DNM3: variants seen among roughly 807,000 people sequenced by gnomAD.
DNM3 encodes the protein dynamin 3.
A neutral mutation model predicts 101.6 loss-of-function variants in DNM3; 47 were observed. The observed-to-expected ratio is 0.46, with a 90% CI of 0.37 to 0.59. The LOEUF is 0.59. Ranked by LOEUF, DNM3 falls within the 20% of genes least tolerant of loss-of-function variation. DNM3 has a pLI of 0.00. For synonymous variants in DNM3, 385 were observed against 387.9 expected (o/e 0.99, Z 0.09); for missense variants, 849 against 1,085.7 (o/e 0.78, Z 3.06).
chr1:172,202,045 T>C (rs2148488644), intron 14 of DNM3, among the ~76,000 whole-genome samples: 1 of 152,278 alleles, frequency 6.6e-6, no homozygotes, highest in Non-Finnish European at 1.5e-5. Flanking sequence ...TTTTCTTTAT[T>C]CTCTGTGGAT....
At chr1:172,246,068 A>G (rs1341828230) in intron 14 of DNM3, among the ~76,000 whole-genome samples, 1 of 152,152 alleles carries the variant, frequency 6.6e-6, no homozygotes, top group East Asian at 1.9e-4. Context: ...AAAGTGCCAC[A>G]TATACTTTTA....
chr1:172,226,559 A>T (rs1347097917), intron 14 of DNM3, among the ~76,000 whole-genome samples: 2 of 152,214 alleles, frequency 1.3e-5, no homozygotes, highest in African/African-American at 2.4e-5. Context: ...GCCACCAGGC[A>T]TATGACCTTA....
chr1:172,094,100 C>T (rs2054093143), intron 13 of DNM3, among the ~76,000 whole-genome samples: 1 of 151,896 alleles, frequency 6.6e-6, no homozygotes, highest in African/African-American at 2.4e-5. Flanking sequence ...CTTTCTCTTC[C>T]CCTTGTATGG....
intron 14 of DNM3, among the ~76,000 whole-genome samples, chr1:172,240,438 G>C (rs1210519176): frequency 5.3e-5 from 8 of 152,176 alleles, no homozygotes. Flanking sequence ...GGAATTGTCA[G>C]AGGATTTTAT....
intron 4 of DNM3, among the ~76,000 whole-genome samples, chr1:172,030,946 T>A (rs1265949016): frequency 6.6e-6 from 1 of 152,202 alleles, no homozygotes; most frequent in Non-Finnish European, 1.5e-5. Context: ...GCTTTGACAC[T>A]GTTGGTGGGA....
chr1:172,123,253 T>C (rs1343994086), intron 13 of DNM3, among the ~76,000 whole-genome samples: 1 of 152,210 alleles, frequency 6.6e-6, no homozygotes, highest in Non-Finnish European at 1.5e-5. Context: ...TGTCTCAATT[T>C]CACTATTCTT....
intron 14 of DNM3, among the ~76,000 whole-genome samples, chr1:172,146,839 A>G (rs2057925565): frequency 6.6e-6 from 1 of 152,118 alleles, no homozygotes; most frequent in South Asian, 2.1e-4. Flanking sequence ...CAAGGCAAAC[A>G]AAAGGTGGTT....
At chr1:172,058,878 A>T (rs1203939238) in intron 10 of DNM3, among the ~76,000 whole-genome samples, 3 of 152,202 alleles carry the variant, frequency 2.0e-5, no homozygotes, top group Admixed American at 6.5e-5. Flanking sequence ...AGACAAAAAA[A>T]ACCCTTAAAA....
intron 9 of DNM3, 111 bp from the exon 10 acceptor site, chr1:172,048,477 GCACTATGTAACTTTTAAACTTGGT>G: frequency 1.1e-6 from 1 of 937,674 alleles, no homozygotes; most frequent in East Asian, 2.9e-5. Flanking sequence ...AACATTTTGG[GCACTATGTAACTTTTAAACTTGGT>G]CTATTACATG....
At chr1:172,354,112 T>TGGTGTGAGAGAGAGAGA (rs138540712) in intron 17 of DNM3, among the ~76,000 whole-genome samples, 1 of 94,940 alleles carries the variant, frequency 1.1e-5, no homozygotes, top group Non-Finnish European at 1.9e-5. Flanking sequence ...TGTGTGTGTG[T>TGGTGTGAGAGAGAGAGA]GAGAGAGAGA....
At chr1:172,264,083 T>C (rs1002061342) in intron 15 of DNM3, among the ~76,000 whole-genome samples, 6 of 152,210 alleles carry the variant, frequency 3.9e-5, no homozygotes, top group African/African-American at 1.4e-4. Flanking sequence ...AGAGTTAGCA[T>C]CATAGAAGGT....
intron 14 of DNM3, among the ~76,000 whole-genome samples, chr1:172,194,856 T>C (rs1241963196): frequency 6.6e-6 from 1 of 152,100 alleles, no homozygotes; most frequent in East Asian, 1.9e-4. Flanking sequence ...CTTTAGCCCA[T>C]TTACATTTAA....
chr1:171,907,975 T>C (rs1285044052), intron 1 of DNM3, among the ~76,000 whole-genome samples: 2 of 152,252 alleles, frequency 1.3e-5, no homozygotes, highest in East Asian at 3.8e-4. Flanking sequence ...TTTCTAATCG[T>C]TGACTGTATC....
chr1:172,212,998 C>G (rs1256909810), intron 14 of DNM3, among the ~76,000 whole-genome samples: 1 of 151,810 alleles, frequency 6.6e-6, no homozygotes, highest in Non-Finnish European at 1.5e-5. Flanking sequence ...GAAAGGTGAA[C>G]TAAGTTGCCC....
At chr1:172,151,117 C>G in intron 14 of DNM3, among the ~76,000 whole-genome samples, 1 of 152,076 alleles carries the variant, frequency 6.6e-6, no homozygotes, top group East Asian at 1.9e-4. Flanking sequence ...TATATTTAAA[C>G]TAGATCATCT....
chr1:172,255,793 G>A (rs2062373629), intron 15 of DNM3, among the ~76,000 whole-genome samples: 1 of 152,066 alleles, frequency 6.6e-6, no homozygotes, highest in Admixed American at 6.6e-5. Context: ...TGGAATCCTT[G>A]TCTTATTTCT....
At chr1:172,384,295 G>C (rs997899652) in intron 18 of DNM3, among the ~76,000 whole-genome samples, 12 of 152,280 alleles carry the variant, frequency 7.9e-5, no homozygotes, top group African/African-American at 2.9e-4. Context: ...TGTTGCAACA[G>C]CTGTCTATTG....
intron 14 of DNM3, among the ~76,000 whole-genome samples, chr1:172,223,272 C>CTTTTTT (rs398049746): frequency 1.5e-5 from 2 of 135,594 alleles, no homozygotes; most frequent in Admixed American, 7.5e-5. Context: ...TTTTTCTTTT[C>CTTTTTT]TTTTTTTTTT....
At chr1:171,947,719 G>A (rs980956214) in intron 2 of DNM3, among the ~76,000 whole-genome samples, 2 of 151,940 alleles carry the variant, frequency 1.3e-5, no homozygotes, top group Non-Finnish European at 2.9e-5. Flanking sequence ...TACTCTTTGC[G>A]CATCTCCTCT....
Sources: gnomAD v4.1 joint callset for allele counts (sites outside exome capture counted in the v4.1 genomes callset) on GRCh38, gnomAD v4.1.1 for gene constraint, MANE v1.5 for transcripts, NCBI Gene and HGNC (gene_info 2026-07-23, HGNC 2026-07-21) for gene names.